The following C17orf67 variants were observed in gnomAD, a reference collection of about 807,000 sequenced individuals.
C17orf67 encodes uncharacterized protein C17orf67.
Under a neutral mutation model 11.2 loss-of-function variants are expected in C17orf67, and 12 were observed. The ratio of observed to expected loss-of-function variants is 1.07; its 90% CI spans 0.68 to 1.73. C17orf67 has a LOEUF of 1.73. Among genes scored for constraint, C17orf67 ranks in the 40% most tolerant of loss-of-function variants. The pLI is 0.00. For missense variants in C17orf67, 115 were observed against 113.5 expected, an observed-to-expected ratio of 1.01 and a Z score of -0.06; for synonymous variants, 59 against 46.9, an observed-to-expected ratio of 1.26 and a Z score of -1.05.
chr17:56,813,415 G>A (rs1282323041), intron 6 of C17orf67, among the ~76,000 whole-genome samples: 2 of 151,408 alleles, frequency 1.3e-5, no homozygotes, highest in East Asian at 3.9e-4. Flanking sequence ...GCCCACCTCT[G>A]AGTGTTGGTG....
intron 6 of C17orf67, among the ~76,000 whole-genome samples, chr17:56,797,783 G>A (rs527932414): frequency 1.3e-5 from 2 of 152,264 alleles, no homozygotes; most frequent in East Asian, 3.9e-4. Context: ...GTCACTTCCA[G>A]CCTTTAGGGC....
intron 6 of C17orf67, among the ~76,000 whole-genome samples, chr17:56,810,163 C>T (rs1426507356): frequency 4.1e-5 from 6 of 145,092 alleles, no homozygotes; most frequent in Non-Finnish European, 9.1e-5. Context: ...CACACCCCCA[C>T]CTCACACACA....
intron 2 of C17orf67, among the ~76,000 whole-genome samples, chr17:56,829,456 G>C (rs1906133175): frequency 6.6e-6 from 1 of 152,088 alleles, no homozygotes; most frequent in South Asian, 2.1e-4. Context: ...CCATCACAAG[G>C]AGCTTTTCCA....
chr17:56,803,982 T>A (rs1905386097), intron 6 of C17orf67: 1 of 152,120 alleles, frequency 6.6e-6, no homozygotes, highest in Non-Finnish European at 1.5e-5. Flanking sequence ...ACTGGCTGAG[T>A]TAGAAATGGC....
chr17:56,826,175 A>C (rs1906026434), intron 2 of C17orf67, among the ~76,000 whole-genome samples: 1 of 152,164 alleles, frequency 6.6e-6, no homozygotes, highest in Non-Finnish European at 1.5e-5. Flanking sequence ...GCTTGTCTTC[A>C]ACTCCTGGCC....
chr17:56,815,290 A>T (rs1296463564), intron 5 of C17orf67, among the ~76,000 whole-genome samples: 1 of 152,162 alleles, frequency 6.6e-6, no homozygotes, highest in East Asian at 1.9e-4. Context: ...GCTTTCATGG[A>T]AGTTTTTTTT....
intron 2 of C17orf67, among the ~76,000 whole-genome samples, chr17:56,831,698 A>C (rs1906206691): frequency 6.6e-6 from 1 of 152,152 alleles, no homozygotes; most frequent in Non-Finnish European, 1.5e-5. Context: ...GTCTGTTCCC[A>C]TTAGGGGACT....
At position 56,833,042 on chromosome 17, in the gene C17orf67, TG is replaced by T. The variant is rs1906274915; in HGVS notation, c.-702del. The T allele has an allele frequency of 6.6e-6, 1 of 152,268 alleles. No individual in the cohort carries two copies. The highest frequency in any genetic ancestry group is 1.5e-5 in the Non-Finnish European group (1 of 68,064). 9.4% of individuals were successfully genotyped at this position (152,268 alleles called of 1,614,324 possible). A position where few individuals can be genotyped will look rare whatever the true frequency, so the allele number is the denominator to read the frequency against. ...TCCTTTGGTCCCTTGCTTCGGTGTG[TG>T]TTTTCTTTCCATCTTTTATGCTAGA... On this transcript the variant is annotated 5_prime_UTR_variant, in exon 2 of 8. An upstream open reading frame in the 5' UTR gains an earlier in-frame stop. Coordinates refer to ENST00000397861, the MANE Select transcript of C17orf67 (RefSeq NM_001085430.4).
At chr17:56,830,085 T>G (rs1238222905) in intron 2 of C17orf67, among the ~76,000 whole-genome samples, 1 of 152,172 alleles carries the variant, frequency 6.6e-6, no homozygotes, top group Non-Finnish European at 1.5e-5. Flanking sequence ...GGCTCACACC[T>G]GTAATCCCAG....
chr17:56,826,781 G>C (rs1906043965), intron 2 of C17orf67, among the ~76,000 whole-genome samples: 1 of 152,226 alleles, frequency 6.6e-6, no homozygotes, highest in Non-Finnish European at 1.5e-5. Flanking sequence ...TTAAAACAGT[G>C]ATCTCAGTCC....
intron 2 of C17orf67, among the ~76,000 whole-genome samples, chr17:56,827,945 A>G (rs936201979): frequency 1.3e-5 from 2 of 152,022 alleles, no homozygotes; most frequent in Non-Finnish European, 2.9e-5. Context: ...AGTGGCTCAC[A>G]CCTGTAATCC....
intron 1 of C17orf67, 127 bp downstream of exon 1, chr17:56,833,491 G>A (rs1906314086): frequency 1.3e-5 from 2 of 150,812 alleles, no homozygotes; most frequent in Non-Finnish European, 1.5e-5. Context: ...GGCGGAAACC[G>A]CGGCCGGGCT....
chr17:56,802,370 T>C (rs1905344152), intron 6 of C17orf67, among the ~76,000 whole-genome samples: 1 of 152,206 alleles, frequency 6.6e-6, no homozygotes, highest in African/African-American at 2.4e-5. Context: ...AGCTTGAATG[T>C]CATCTTTTTA....
At chr17:56,803,990 G>A (rs771037266) in intron 6 of C17orf67, 5 of 152,198 alleles carry the variant, frequency 3.3e-5, no homozygotes, top group Non-Finnish European at 7.3e-5. Context: ...AGTTAGAAAT[G>A]GCCCAACATT....
intron 6 of C17orf67, among the ~76,000 whole-genome samples, chr17:56,809,320 A>G (rs1905530850): frequency 6.6e-6 from 1 of 150,816 alleles, no homozygotes; most frequent in African/African-American, 2.4e-5. Context: ...CAGAAACCCA[A>G]CTCTGCTGTG....
intron 4 of C17orf67, among the ~76,000 whole-genome samples, chr17:56,824,354 C>G (rs1905975935): frequency 6.6e-6 from 1 of 152,190 alleles, no homozygotes; most frequent in South Asian, 2.1e-4. Flanking sequence ...CCTTAGACTT[C>G]CCAGCCTCCA....
At chr17:56,792,380 GGATAAT>G (rs1320420922) in intron 7 of C17orf67, 28 bp from the exon 8 acceptor site, 1 of 151,986 alleles carries the variant, frequency 6.6e-6, no homozygotes, top group Non-Finnish European at 1.5e-5. Flanking sequence ...AATAACATTA[GGATAAT>G]GATAATGATT....
At chr17:56,792,675 G>A (rs957425959) in intron 7 of C17orf67, among the ~76,000 whole-genome samples, 2 of 105,352 alleles carry the variant, frequency 1.9e-5, no homozygotes, top group Non-Finnish European at 4.9e-5. Context: ...TGGTGATGAT[G>A]GGGTTGATGG....
chr17:56,827,379 T>C (rs1339208145), intron 2 of C17orf67, among the ~76,000 whole-genome samples: 1 of 152,236 alleles, frequency 6.6e-6, no homozygotes, highest in Non-Finnish European at 1.5e-5. Context: ...GTTGTGGCTG[T>C]GGAATCCATG....
Sources: allele counts gnomAD v4.1 joint callset (sites outside exome capture counted in the v4.1 genomes callset), GRCh38; gene constraint gnomAD v4.1.1; transcripts MANE v1.5; gene names NCBI Gene and HGNC (gene_info 2026-07-23, HGNC 2026-07-21).